Variants in PCDHA4 observed in about 807,000 individuals in gnomAD.
The protein encoded by PCDHA4 is protocadherin alpha-4.
A neutral mutation model predicts 61.4 loss-of-function variants in PCDHA4; 49 were observed. The ratio of observed to expected loss-of-function variants is 0.80; its 90% confidence interval spans 0.63 to 1.01. The LOEUF (loss-of-function observed/expected upper bound fraction) is 1.01. Among genes scored for constraint, PCDHA4 ranks in the 50% least tolerant of loss-of-function variants. PCDHA4 has a pLI of 0.00. For missense variants in PCDHA4, 1,254 were observed against 1,235.8 expected, an observed-to-expected ratio of 1.01 and a Z score of -0.22; for synonymous variants, 590 against 550.3, an observed-to-expected ratio of 1.07 and a Z score of -1.01.
At chr5:140,856,210 G>C (rs556174610) in intron 1 of PCDHA4, 1 of 1,598,116 alleles carries the variant, frequency 6.3e-7, no homozygotes, top group African/African-American at 1.3e-5. Context: ...TGGGGCTGGA[G>C]CTGGCGGAGC....
intron 1 of PCDHA4, among the ~76,000 whole-genome samples, chr5:140,935,913 GACAGATTC>G (rs1178474379): frequency 8.0e-6 from 1 of 125,106 alleles, no homozygotes; most frequent in Admixed American, 8.3e-5. Context: ...TTTTTTTTGA[GACAGATTC>G]TCATTCTGTT....
chr5:140,919,306 A>G (rs1407810868), intron 1 of PCDHA4, among the ~76,000 whole-genome samples: 1 of 152,150 alleles, frequency 6.6e-6, no homozygotes. Context: ...TGTACAATAT[A>G]TGTTTTCCCA....
rs141054640 is a variant in PCDHA4 at position 140,849,634 on chromosome 5, A to G, written c.2385+40062A>G. The G allele has an allele frequency of 6.8e-4, 1,094 of 1,598,766 alleles. 107 individuals are homozygous for G. Among genetic ancestry groups the G allele is most frequent in the South Asian group, 1.2e-3 (106 of 90,564 alleles). On this transcript the variant is annotated intron_variant, in intron 1 of 3. Coordinates refer to ENST00000530339, the MANE Select transcript of PCDHA4 (RefSeq NM_018907.4). Reference sequence around the variant, plus strand: ...ATTAGTGTGATCGACCTAGACGCAGATGCCAACGGGCAGGTTACCTGCTCC... The same window carrying G: ...ATTAGTGTGATCGACCTAGACGCAGGTGCCAACGGGCAGGTTACCTGCTCC...
In PCDHA4 at chr5:140,852,367, T is replaced by C. The variant is rs2150515720; in HGVS notation, c.2385+42795T>C. On this transcript the variant is annotated intron_variant, in intron 1 of 3. Transcript: ENST00000530339. Reference sequence around the variant, plus strand: ...ATCTTGGCTCACTGCAACGTCTGCCTCCTGGGTTCAAGCAATTCTCCTGCC... The same window carrying C: ...ATCTTGGCTCACTGCAACGTCTGCCCCCTGGGTTCAAGCAATTCTCCTGCC... 73 of 201,190 alleles carry C rather than the reference T, an allele frequency of 3.6e-4. 4 individuals are homozygous for C. The highest frequency in any genetic ancestry group is 6.9e-4 in the Non-Finnish European group (70 of 101,398). 12.5% of individuals were successfully genotyped at this position (201,190 alleles called of 1,614,324 possible).
At chr5:140,846,654 A>T (rs941473250) in intron 1 of PCDHA4, among the ~76,000 whole-genome samples, 1 of 149,238 alleles carries the variant, frequency 6.7e-6, no homozygotes, top group African/African-American at 2.5e-5. Flanking sequence ...GATTACAGGC[A>T]TGAGCCACCG....
chr5:141,008,470 C>T (rs2098378498), intron 3 of PCDHA4, among the ~76,000 whole-genome samples: 1 of 152,156 alleles, frequency 6.6e-6, no homozygotes, highest in Non-Finnish European at 1.5e-5. Context: ...GCTCTGACTT[C>T]TACTCTTCTA....
rs1440193758 is a variant in PCDHA4 at position 140,844,281 on chromosome 5, T to C, written c.2385+34709T>C. ...AGTGATAAAATACAGAATGATAGTG[T>C]TTTTCAAAATTTGATAGTTTTCATA... On this transcript the variant is annotated intron_variant, in intron 1 of 3. Coordinates refer to ENST00000530339, the MANE Select transcript of PCDHA4 (RefSeq NM_018907.4). Among the ~76,000 whole-genome samples the C allele has an allele frequency of 1.3e-5, 2 of 149,114 alleles. 1 individual carries two copies. Among genetic ancestry groups the C allele is most frequent in the Non-Finnish European group, 3.0e-5 (2 of 66,432 alleles).
At position 140,883,732 on chromosome 5, in the gene PCDHA4, G is replaced by T. The variant is rs17844355; in HGVS notation, c.2385+74160G>T. The stretch of plus-strand genomic sequence containing the variant: ...AGGACGCGGACGCACAGGAGAACGC[G>T]CTGGTCTCCTACTCGCTGGTGGAGC... On this transcript the variant is annotated intron_variant, in intron 1 of 3. Transcript: ENST00000530339. The T allele has an allele frequency of 3.9e-4, 630 of 1,613,452 alleles. 2 individuals are homozygous for T. The East Asian group carries it at 0.013, about 33-fold the overall frequency.
intron 1 of PCDHA4, chr5:140,842,613 G>C (rs782736515): frequency 1.9e-6 from 3 of 1,595,698 alleles, no homozygotes; most frequent in Non-Finnish European, 2.6e-6. Flanking sequence ...CGGGACGGGG[G>C]CTCGCCTTCG....
intron 1 of PCDHA4, among the ~76,000 whole-genome samples, chr5:140,955,070 G>A (rs755676357): frequency 2.2e-4 from 34 of 152,166 alleles, no homozygotes; most frequent in Non-Finnish European, 4.1e-4. Context: ...GTTTGTTGAA[G>A]ATCAGATGGT....
chr5:140,829,817 G>T (rs1581889667), intron 1 of PCDHA4: 1 of 1,613,890 alleles, frequency 6.2e-7, no homozygotes, highest in Non-Finnish European at 8.5e-7. Context: ...TACTGGTGGT[G>T]CAGTGAGCGA....
At chr5:140,903,927 G>A (rs1202330297) in intron 1 of PCDHA4, among the ~76,000 whole-genome samples, 1 of 152,158 alleles carries the variant, frequency 6.6e-6, no homozygotes, top group Non-Finnish European at 1.5e-5. Context: ...TGCTGCATTG[G>A]ATAATACCTC....
intron 1 of PCDHA4, chr5:140,968,878 T>A (rs1554231201): frequency 6.2e-7 from 1 of 1,614,244 alleles, no homozygotes; most frequent in South Asian, 1.1e-5. Flanking sequence ...ACTCTGAAAT[T>A]ACCCTTTATC....
chr5:140,809,473 G>C lies in PCDHA4; in HGVS notation c.2286G>C (p.Glu762Asp), dbSNP rs1223238346. The C allele has an allele frequency of 3.1e-6, 5 of 1,614,142 alleles. No homozygotes were observed. In the African/African-American group the frequency reaches 5.3e-5, roughly 17 times the overall value. ...GGAGGCCGAGGGTGTGCTCTGGTGA[G>C]GGCCCACCCAAGACCGACCTCATGG... ...QQRRPRVCSGEGPPKTDLMAF... is the reference protein window; with the variant it reads ...QQRRPRVCSGDGPPKTDLMAF... The change falls in exon 1 of 4, where the codon GAG (glutamate) becomes GAC (aspartate). Residue 762 changes from glutamate (E) to aspartate (D), a missense_variant. Glu to Asp is a conservative substitution (Grantham distance 45). Coordinates refer to ENST00000530339, the MANE Select transcript of PCDHA4 (RefSeq NM_018907.4).
Position 140,875,636 on chromosome 5 carries a change from A to T in PCDHA4, c.2385+66064A>T, listed in dbSNP as rs574545388. On this transcript the variant is annotated intron_variant, in intron 1 of 3. Coordinates refer to ENST00000530339, the MANE Select transcript of PCDHA4 (RefSeq NM_018907.4). The stretch of plus-strand genomic sequence containing the variant: ...CGCATCGCTCAGGACCTGGGGCTGG[A>T]GCTGGCGGAGCTGGTGCCGCGCCTG... 6 of 1,613,488 alleles carry T rather than the reference A, an allele frequency of 3.7e-6. No individual in the cohort carries two copies. The Admixed American group carries it at 8.3e-5, about 22-fold the overall frequency.
At chr5:140,854,998 A>G (rs2043301191) in intron 1 of PCDHA4, among the ~76,000 whole-genome samples, 1 of 149,868 alleles carries the variant, frequency 6.7e-6, no homozygotes, top group East Asian at 1.9e-4. Flanking sequence ...TTGCCCGTGT[A>G]AGATATTATA....
chr5:140,827,969 T>A, intron 1 of PCDHA4: 1 of 1,373,188 alleles, frequency 7.3e-7, no homozygotes, highest in East Asian at 2.3e-5. Context: ...TATTACTGCA[T>A]CATTCCCTGA....
intron 1 of PCDHA4, chr5:140,884,023 G>C (rs1554181067): frequency 2.5e-6 from 4 of 1,613,202 alleles, no homozygotes; most frequent in Non-Finnish European, 3.4e-6. Flanking sequence ...CGCGGTCGGT[G>C]GGTGCAGGCC....
At chr5:140,877,926 G>T (rs1554170225) in intron 1 of PCDHA4, 1 of 1,415,760 alleles carries the variant, frequency 7.1e-7, no homozygotes, top group East Asian at 2.5e-5. Flanking sequence ...TTTTCTTTAT[G>T]ATTCTATCCT....
Sources: allele counts gnomAD v4.1 joint callset (sites outside exome capture counted in the v4.1 genomes callset), GRCh38; gene constraint gnomAD v4.1.1; transcripts MANE v1.5; gene names NCBI Gene and HGNC (gene_info 2026-07-23, HGNC 2026-07-21).